Variants in SENP7 observed in about 807,000 individuals in gnomAD.
SENP7 encodes SUMO specific peptidase 7.
Under a neutral mutation model 141.2 loss-of-function variants are expected in SENP7, and 64 were observed. The ratio of observed to expected loss-of-function variants is 0.45; its 90% CI spans 0.37 to 0.56. The LOEUF (loss-of-function observed/expected upper bound fraction) is 0.56. Among genes scored for constraint, SENP7 ranks in the 20% least tolerant of loss-of-function variants. SENP7 has a pLI of 0.00. For missense variants in SENP7, 1,025 were observed against 1,212.2 expected (o/e 0.85, Z 2.29); for synonymous variants, 382 against 426.4 (o/e 0.90, Z 1.28).
At chr3:101,492,018 G>C (rs1011141309) in intron 3 of SENP7, among the ~76,000 whole-genome samples, 2 of 152,072 alleles carry the variant, frequency 1.3e-5, no homozygotes. Context: ...CTTGAACCCG[G>C]AAGGCAGAGG....
At chr3:101,503,302 G>A (rs1216800847) in intron 1 of SENP7, among the ~76,000 whole-genome samples, 1 of 152,224 alleles carries the variant, frequency 6.6e-6, no homozygotes, top group Non-Finnish European at 1.5e-5. Flanking sequence ...CTTGCTAAGA[G>A]TGTAAATGAG....
chr3:101,504,616 T>G (rs1299881983), intron 1 of SENP7, among the ~76,000 whole-genome samples: 1 of 152,184 alleles, frequency 6.6e-6, no homozygotes, highest in Non-Finnish European at 1.5e-5. Flanking sequence ...CTAGTCAATT[T>G]TAAATTTAAC....
chr3:101,391,232 A>G (rs778425808), intron 6 of SENP7, among the ~76,000 whole-genome samples: 129 of 152,138 alleles, frequency 8.5e-4, no homozygotes, highest in Non-Finnish European at 1.6e-3. Flanking sequence ...AAACAAAAAG[A>G]TAATAAAGTC....
At chr3:101,355,240 T>C (rs1426999647) in intron 11 of SENP7, among the ~76,000 whole-genome samples, 3 of 152,206 alleles carry the variant, frequency 2.0e-5, no homozygotes, top group Non-Finnish European at 4.4e-5. Flanking sequence ...TTGTCAATTT[T>C]TGTTTTTGTT....
Position 101,325,940 on chromosome 3 carries a change from T to G in SENP7, c.*3A>C. The G allele has an allele frequency of 6.2e-7, 1 of 1,607,414 alleles. No homozygotes were observed. The highest frequency in any genetic ancestry group is 8.5e-7 in the Non-Finnish European group (1 of 1,176,814). On this transcript the variant is annotated 3_prime_UTR_variant, in exon 24 of 24. Transcript: ENST00000394095. Reference sequence around the variant, plus strand: ...ACATCTGTGTCATGTTTGTACAGATTAACTAGCTACTGCTGCCCTTCTGTT... The same window carrying G: ...ACATCTGTGTCATGTTTGTACAGATGAACTAGCTACTGCTGCCCTTCTGTT...
intron 6 of SENP7, among the ~76,000 whole-genome samples, chr3:101,386,819 T>C (rs2060666090): frequency 6.6e-6 from 1 of 152,232 alleles, no homozygotes; most frequent in Non-Finnish European, 1.5e-5. Context: ...CTACAACATC[T>C]GCACACATCT....
At chr3:101,471,996 C>G (rs2064017947) in intron 3 of SENP7, among the ~76,000 whole-genome samples, 1 of 152,048 alleles carries the variant, frequency 6.6e-6, no homozygotes. Context: ...AAAAAGTCAG[C>G]AAACAACAGA....
chr3:101,442,269 C>T (rs1351845261), intron 4 of SENP7, among the ~76,000 whole-genome samples: 1 of 152,202 alleles, frequency 6.6e-6, no homozygotes, highest in African/African-American at 2.4e-5. Flanking sequence ...CTTCTTGGCA[C>T]CAGGCACCAG....
intron 4 of SENP7, among the ~76,000 whole-genome samples, chr3:101,424,928 T>C (rs1216326445): frequency 6.6e-6 from 1 of 152,198 alleles, no homozygotes; most frequent in African/African-American, 2.4e-5. Context: ...TTCCCCATAC[T>C]GTTCTCATGG....
intron 9 of SENP7, among the ~76,000 whole-genome samples, chr3:101,365,819 T>TA (rs2060023676): frequency 6.6e-6 from 1 of 152,144 alleles, no homozygotes; most frequent in South Asian, 2.1e-4. Context: ...CCTGTACCCT[T>TA]ACCTTCTAAA....
At chr3:101,385,707 A>T (rs2060634052) in intron 6 of SENP7, among the ~76,000 whole-genome samples, 1 of 152,200 alleles carries the variant, frequency 6.6e-6, no homozygotes, top group African/African-American at 2.4e-5. Flanking sequence ...AACTCAGAGC[A>T]AAGGCAGCAG....
intron 13 of SENP7, among the ~76,000 whole-genome samples, chr3:101,346,406 GGGT>G (rs1426654990): frequency 6.4e-4 from 97 of 152,248 alleles, no homozygotes; most frequent in African/African-American, 2.2e-3. Context: ...TCCCACTACT[GGGT>G]ATCTACCCAG....
intron 6 of SENP7, among the ~76,000 whole-genome samples, chr3:101,375,259 C>A (rs1410783543): frequency 2.0e-5 from 3 of 152,054 alleles, no homozygotes; most frequent in South Asian, 4.1e-4. Context: ...AAGCTAAACA[C>A]AGGCCGAGCA....
At chr3:101,332,529 C>T (rs562282454) in intron 18 of SENP7, among the ~76,000 whole-genome samples, 26 of 151,934 alleles carry the variant, frequency 1.7e-4, no homozygotes, top group Non-Finnish European at 2.8e-4. Flanking sequence ...ATGTCTCAGT[C>T]ATTATAGTCT....
In SENP7 at chr3:101,469,353, T is replaced by C. The variant is rs953624138; in HGVS notation, c.187-10301A>G. ...ATATTACACAGATAAACGAGACAGATGGTTAATAAGGATATCCAGGACTTG... is the reference window on the plus strand; with the variant it reads ...ATATTACACAGATAAACGAGACAGACGGTTAATAAGGATATCCAGGACTTG... On this transcript the variant is annotated intron_variant, in intron 3 of 23. Transcript: ENST00000394095. Among the ~76,000 whole-genome samples the C allele has an allele frequency of 8.5e-5, 13 of 152,096 alleles. No homozygotes were observed. The East Asian group carries it at 1.3e-3, about 16-fold the overall frequency.
intron 2 of SENP7, among the ~76,000 whole-genome samples, chr3:101,496,830 G>A (rs1037693104): frequency 2.0e-5 from 3 of 152,170 alleles, no homozygotes; most frequent in Non-Finnish European, 4.4e-5. Context: ...CACCCGCCTT[G>A]GCCTCCCAAA....
intron 6 of SENP7, among the ~76,000 whole-genome samples, chr3:101,387,315 C>T (rs2060685991): frequency 6.6e-6 from 1 of 152,154 alleles, no homozygotes; most frequent in Non-Finnish European, 1.5e-5. Flanking sequence ...GCCTACCCCA[C>T]CCACCAACAT....
At chr3:101,378,364 G>A (rs1332583393) in intron 6 of SENP7, among the ~76,000 whole-genome samples, 1 of 151,414 alleles carries the variant, frequency 6.6e-6, no homozygotes, top group Non-Finnish European at 1.5e-5. Context: ...GTGTAATGAA[G>A]AATGAAAAAG....
At chr3:101,431,127 A>C (rs2062149876) in intron 4 of SENP7, among the ~76,000 whole-genome samples, 1 of 152,136 alleles carries the variant, frequency 6.6e-6, no homozygotes, top group Admixed American at 6.6e-5. Context: ...GAATAGGTGC[A>C]ATGTGGTGCT....
Sources: allele counts gnomAD v4.1 joint callset (sites outside exome capture counted in the v4.1 genomes callset), GRCh38; gene constraint gnomAD v4.1.1; transcripts MANE v1.5; gene names NCBI Gene and HGNC (gene_info 2026-07-23, HGNC 2026-07-21).